SPATS2L: variants seen among roughly 807,000 people sequenced by gnomAD.
The protein encoded by SPATS2L is spermatogenesis associated serine rich 2 like.
A neutral mutation model predicts 59.6 loss-of-function variants in SPATS2L; 30 were observed. The ratio of observed to expected loss-of-function variants is 0.50; its 90% CI spans 0.38 to 0.68. The LOEUF is 0.68. Ranked by LOEUF, SPATS2L falls within the 30% of genes least tolerant of loss-of-function variation. The pLI is 0.00. For missense variants in SPATS2L, 615 were observed against 700.0 expected (o/e 0.88, Z 1.37); for synonymous variants, 252 against 263.5 (o/e 0.96, Z 0.42).
chr2:200,450,252 T>A (rs1475668180), intron 8 of SPATS2L, among the ~76,000 whole-genome samples: 1 of 152,216 alleles, frequency 6.6e-6, no homozygotes, highest in Non-Finnish European at 1.5e-5. Context: ...CCATAAGAGA[T>A]GTTCAGTTAA....
intron 3 of SPATS2L, among the ~76,000 whole-genome samples, chr2:200,395,381 A>G (rs1198564995): frequency 6.6e-6 from 1 of 152,216 alleles, no homozygotes; most frequent in Non-Finnish European, 1.5e-5. Context: ...ATGCACTGAT[A>G]ACTAATTCCA....
chr2:200,365,683 T>G (rs112747770), intron 2 of SPATS2L, among the ~76,000 whole-genome samples: 33 of 152,186 alleles, frequency 2.2e-4, no homozygotes, highest in Non-Finnish European at 3.8e-4. Flanking sequence ...ACCTAGCTAC[T>G]TCAGGGCCCA....
chr2:200,469,007 G>A (rs1434380506), intron 10 of SPATS2L, among the ~76,000 whole-genome samples: 1 of 152,156 alleles, frequency 6.6e-6, no homozygotes, highest in East Asian at 1.9e-4. Context: ...TTCTACTTCT[G>A]TGACCTTGGA....
At chr2:200,318,752 C>T (rs1419946724) in intron 1 of SPATS2L, among the ~76,000 whole-genome samples, 1 of 152,224 alleles carries the variant, frequency 6.6e-6, no homozygotes, top group Non-Finnish European at 1.5e-5. Context: ...AGAAATTACA[C>T]GTGTAGAAAG....
chr2:200,439,062 C>A, intron 6 of SPATS2L, 60 bp from the exon 7 acceptor site: 1 of 1,464,478 alleles, frequency 6.8e-7, no homozygotes, highest in Non-Finnish European at 9.5e-7. Context: ...TCCTCCATCA[C>A]TTTATCGTCA....
chr2:200,312,990 A>G (rs935842825), intron 1 of SPATS2L, among the ~76,000 whole-genome samples: 1 of 152,226 alleles, frequency 6.6e-6, no homozygotes, highest in Admixed American at 6.5e-5. Flanking sequence ...TAAGGATTAT[A>G]CACCCTTATT....
At chr2:200,477,532 AAAAAAAG>A in intron 12 of SPATS2L, 97 bp from the exon 13 acceptor site, 1 of 774,420 alleles carries the variant, frequency 1.3e-6, no homozygotes, top group Non-Finnish European at 1.8e-6. Context: ...AAAAAAAAAA[AAAAAAAG>A]CTTACCTGTG....
intron 2 of SPATS2L, among the ~76,000 whole-genome samples, chr2:200,334,571 A>T (rs1353611615): frequency 6.6e-6 from 1 of 151,714 alleles, no homozygotes; most frequent in Non-Finnish European, 1.5e-5. Flanking sequence ...GGTGTTTTAG[A>T]CATGAAGTCC....
chr2:200,375,890 G>C (rs539276275), intron 2 of SPATS2L, among the ~76,000 whole-genome samples: 1 of 152,280 alleles, frequency 6.6e-6, no homozygotes, highest in African/African-American at 2.4e-5. Flanking sequence ...GCCTCCCAAA[G>C]TGCTGGGATT....
At chr2:200,311,462 A>T (rs992861262) in intron 1 of SPATS2L, among the ~76,000 whole-genome samples, 1 of 152,232 alleles carries the variant, frequency 6.6e-6, no homozygotes, top group Non-Finnish European at 1.5e-5. Context: ...CAAAAAAAGC[A>T]TTGAGGCTTT....
At chr2:200,363,022 A>G (rs1022217862) in intron 2 of SPATS2L, among the ~76,000 whole-genome samples, 1 of 152,158 alleles carries the variant, frequency 6.6e-6, no homozygotes, top group Admixed American at 6.5e-5. Context: ...GATCGCATGC[A>G]TGATCACTGT....
chr2:200,388,126 G>A (rs1445851594), intron 2 of SPATS2L, among the ~76,000 whole-genome samples: 1 of 152,146 alleles, frequency 6.6e-6, no homozygotes, highest in East Asian at 1.9e-4. Context: ...AGATACATAT[G>A]TATCAATCTG....
In SPATS2L at chr2:200,360,372, G is replaced by T. The variant is rs370965362; in HGVS notation, c.-22-28851G>T. On this transcript the variant is annotated intron_variant, in intron 2 of 12. Coordinates refer to ENST00000409140, the MANE Select transcript of SPATS2L (RefSeq NM_001100423.2). ...AAAATGTGTCTTTAGATCAGGGCCA[G>T]CATGGTTTGCCAATACTTCGCCCCT... is the stretch of plus-strand genomic sequence containing the variant. Among the ~76,000 whole-genome samples, 16 of 152,360 alleles carry T rather than the reference G, an allele frequency of 1.1e-4. No homozygotes were observed. In the South Asian group the frequency reaches 2.7e-3, roughly 26 times the overall value.
At chr2:200,416,698 C>A (rs997973427) in intron 5 of SPATS2L, among the ~76,000 whole-genome samples, 1 of 151,996 alleles carries the variant, frequency 6.6e-6, no homozygotes. Flanking sequence ...TAAAGGGGAG[C>A]CCAGCTGGAG....
intron 5 of SPATS2L, among the ~76,000 whole-genome samples, chr2:200,417,189 T>C (rs2083099437): frequency 6.6e-6 from 1 of 152,156 alleles, no homozygotes; most frequent in Admixed American, 6.5e-5. Flanking sequence ...AGTACGCCAG[T>C]CTACCCTTCC....
At chr2:200,395,249 A>C (rs1451384651) in intron 3 of SPATS2L, among the ~76,000 whole-genome samples, 6 of 152,260 alleles carry the variant, frequency 3.9e-5, no homozygotes, top group African/African-American at 1.4e-4. Context: ...AATTTTAGTC[A>C]GATATTTTTA....
At chr2:200,393,326 A>G (rs2082228670) in intron 3 of SPATS2L, 1 of 456,678 alleles carries the variant, frequency 2.2e-6, no homozygotes, top group East Asian at 6.9e-5. Flanking sequence ...AGGTGGCATC[A>G]TGCCAATGAG....
chr2:200,395,949 T>C (rs1574382606), intron 3 of SPATS2L, among the ~76,000 whole-genome samples: 1 of 140,946 alleles, frequency 7.1e-6, no homozygotes, highest in South Asian at 2.3e-4. Context: ...GAGCAGATGT[T>C]GCAGTGAGTG....
rs1293987296 is a variant in SPATS2L, at chr2:200,480,790, T to A, written c.*2759T>A. 2 of 152,240 alleles carry A rather than the reference T, an allele frequency of 1.3e-5. No individual in the cohort carries two copies. The highest frequency in any genetic ancestry group is 4.8e-5 in the African/African-American group (2 of 41,474). 9.4% of individuals were successfully genotyped at this position (152,240 alleles called of 1,614,324 possible). On this transcript the variant is annotated 3_prime_UTR_variant, in exon 13 of 13. Coordinates refer to ENST00000409140, the MANE Select transcript of SPATS2L (RefSeq NM_001100423.2). ...CCGCTTAAACACTGTATTACATATCTTCATCTGTCTGGTGGAACTATTGGT... is the reference window on the plus strand; with the variant it reads ...CCGCTTAAACACTGTATTACATATCATCATCTGTCTGGTGGAACTATTGGT...
Sources: gnomAD v4.1 joint callset for allele counts (sites outside exome capture counted in the v4.1 genomes callset) on GRCh38, gnomAD v4.1.1 for gene constraint, MANE v1.5 for transcripts, NCBI Gene and HGNC (gene_info 2026-07-23, HGNC 2026-07-21) for gene names.